GPR137B: variants seen among roughly 807,000 people sequenced by gnomAD.
GPR137B encodes the protein integral membrane protein GPR137B.
Under a neutral mutation model 42.5 loss-of-function variants are expected in GPR137B, and 42 were observed. The ratio of observed to expected loss-of-function variants is 0.99; its 90% confidence interval spans 0.77 to 1.28. The LOEUF (loss-of-function observed/expected upper bound fraction) is 1.28, where lower values mean the gene tolerates loss of function less well. Among genes scored for constraint, GPR137B ranks in the 50% most tolerant of loss-of-function variants. GPR137B has a pLI of 0.00. For synonymous variants in GPR137B, 218 were observed against 209.7 expected (o/e 1.04, Z -0.34); for missense variants, 487 against 493.9 (o/e 0.99, Z 0.13).
chr1:236,148,647 C>G (rs1296032506), intron 1 of GPR137B, among the ~76,000 whole-genome samples: 2 of 152,168 alleles, frequency 1.3e-5, no homozygotes, highest in Non-Finnish European at 2.9e-5. Flanking sequence ...TGTTCTGAAA[C>G]TCAGCTAGGG....
intron 5 of GPR137B, among the ~76,000 whole-genome samples, chr1:236,199,278 T>G (rs1312111435): frequency 6.6e-6 from 1 of 152,238 alleles, no homozygotes; most frequent in East Asian, 1.9e-4. Flanking sequence ...ATCTTTTTGA[T>G]ATGCTGTTGG....
rs548307344 is a variant in GPR137B, at chr1:236,164,494, G to A, written c.415-4212G>A. The stretch of plus-strand genomic sequence containing the variant: ...GGTCAGTGGGAGCCAGTGCAGACTG[G>A]CAGAAATGGGCAGCCGGATATGAGA... On this transcript the variant is annotated intron_variant, in intron 1 of 6. Coordinates refer to ENST00000366592, the MANE Select transcript of GPR137B (RefSeq NM_003272.4). 9.8e-5 allele frequency among the ~76,000 whole-genome samples: 15 copies of A among 152,332 alleles called. No individual in the cohort carries two copies. The South Asian group carries it at 2.9e-3, about 29-fold the overall frequency.
chr1:236,145,585 T>C (rs995838992), intron 1 of GPR137B, among the ~76,000 whole-genome samples: 2 of 152,252 alleles, frequency 1.3e-5, no homozygotes, highest in Admixed American at 6.5e-5. Context: ...TCTTGATCTC[T>C]TGACCTTGTG....
At chr1:236,173,165 C>T (rs1571983338) in intron 2 of GPR137B, among the ~76,000 whole-genome samples, 1 of 151,508 alleles carries the variant, frequency 6.6e-6, no homozygotes, top group South Asian at 2.1e-4. Context: ...GTGGTGCGCG[C>T]CTGTATTCCC....
chr1:236,166,722 C>CG (rs1203386507), intron 1 of GPR137B, among the ~76,000 whole-genome samples: 3 of 151,986 alleles, frequency 2.0e-5, no homozygotes, highest in Admixed American at 2.0e-4. Context: ...CAGTGGCTAA[C>CG]GCCTGTAATC....
chr1:236,153,321 C>A (rs530000361), intron 1 of GPR137B, among the ~76,000 whole-genome samples: 1 of 152,316 alleles, frequency 6.6e-6, no homozygotes, highest in East Asian at 1.9e-4. Flanking sequence ...CATCTGCTTT[C>A]TATCTCTGCA....
chr1:236,179,370 CT>C (rs1009371856), intron 3 of GPR137B, among the ~76,000 whole-genome samples: 1 of 152,162 alleles, frequency 6.6e-6, no homozygotes, highest in Non-Finnish European at 1.5e-5. Flanking sequence ...GCACAAATCA[CT>C]GATTTCCAGG....
chr1:236,170,168 A>T lies in GPR137B; in HGVS notation c.464+1413A>T, dbSNP rs562822521. ...GGTTCTGGCGTTTCTGCCCGGGAGA[A>T]CTCCATTGCCAACGGCAAACATTTC... On this transcript the variant is annotated intron_variant, in intron 2 of 6. Coordinates refer to ENST00000366592, the MANE Select transcript of GPR137B (RefSeq NM_003272.4). 3.3e-5 allele frequency among the ~76,000 whole-genome samples: 5 copies of T among 151,688 alleles called. No homozygotes were observed. The East Asian group carries it at 9.7e-4, about 29-fold the overall frequency.
rs144114626 is a variant in GPR137B at position 236,190,419 on chromosome 1, T to C, written c.966+6513T>C. On this transcript the variant is annotated intron_variant, in intron 5 of 6. Transcript: ENST00000366592. ...TGCCCATTAGTTGATGCAGCTTCTT[T>C]ATAGTGTTGACGGGCTTTACAATTT... Among the ~76,000 whole-genome samples, 493 of 152,270 alleles carry C rather than the reference T, an allele frequency of 3.2e-3. 11 individuals are homozygous for C. The East Asian group carries it at 0.066, about 20-fold the overall frequency.
At chr1:236,159,650 CG>C in intron 1 of GPR137B, among the ~76,000 whole-genome samples, 1 of 151,998 alleles carries the variant, frequency 6.6e-6, no homozygotes, top group South Asian at 2.1e-4. Flanking sequence ...AATAGGCAAG[CG>C]GGAGTTCAAA....
chr1:236,182,587 A>T (rs1398626366), intron 4 of GPR137B, among the ~76,000 whole-genome samples: 1 of 152,106 alleles, frequency 6.6e-6, no homozygotes, highest in Non-Finnish European at 1.5e-5. Flanking sequence ...ATAAAAAATT[A>T]AAATTAAAAA....
At chr1:236,189,446 T>G (rs1663127061) in intron 5 of GPR137B, among the ~76,000 whole-genome samples, 1 of 152,190 alleles carries the variant, frequency 6.6e-6, no homozygotes, top group African/African-American at 2.4e-5. Context: ...CTTTCTCTTG[T>G]GGGCATTTTG....
intron 5 of GPR137B, among the ~76,000 whole-genome samples, chr1:236,192,045 G>T (rs950904611): frequency 3.3e-5 from 5 of 152,202 alleles, no homozygotes; most frequent in Non-Finnish European, 7.4e-5. Flanking sequence ...AAATCTGGCA[G>T]TCTGGCCACA....
chr1:236,188,253 T>C (rs1028649863), intron 5 of GPR137B, among the ~76,000 whole-genome samples: 1 of 152,346 alleles, frequency 6.6e-6, no homozygotes, highest in East Asian at 1.9e-4. Context: ...AAATATATGA[T>C]CATGTCATCT....
intron 2 of GPR137B, among the ~76,000 whole-genome samples, chr1:236,172,836 C>T (rs1169663179): frequency 6.6e-6 from 1 of 151,478 alleles, no homozygotes; most frequent in Non-Finnish European, 1.5e-5. Flanking sequence ...AGGTGCATGT[C>T]ACCACATCCA....
chr1:236,169,885 C>A (rs1016152742), intron 2 of GPR137B, among the ~76,000 whole-genome samples: 5 of 151,848 alleles, frequency 3.3e-5, no homozygotes, highest in Non-Finnish European at 7.4e-5. Context: ...ACTAAAAATA[C>A]AAAAATTAGC....
intron 5 of GPR137B, among the ~76,000 whole-genome samples, chr1:236,188,060 G>T (rs542327614): frequency 6.6e-6 from 1 of 152,128 alleles, no homozygotes; most frequent in African/African-American, 2.4e-5. Context: ...CTTGTAAGTT[G>T]TATTCCTAGG....
At chr1:236,205,027 A>G in intron 5 of GPR137B, 99 bp from the exon 6 acceptor site, 2 of 948,646 alleles carry the variant, frequency 2.1e-6, no homozygotes, top group East Asian at 2.4e-5. Context: ...ATTCAAATGA[A>G]TAGAACATCT....
In GPR137B at chr1:236,178,438, C is replaced by T; in HGVS notation, c.489C>T (p.Leu163=). The T allele has an allele frequency of 1.9e-6, 3 of 1,613,786 alleles. No homozygotes were observed. Among genetic ancestry groups the T allele is most frequent in the Non-Finnish European group, 2.5e-6 (3 of 1,179,916 alleles). ...GGTTGCCCCTCTACCTGGCCTCCCT[C>T]TTCATCAGCCTTGTTTTCCTGTTGG... ...KYRLPLYLAS[L]FISLVFLLVN... Residue 163 remains leucine (L), a synonymous_variant, in exon 3 of 7, where the codon CTC becomes CTT. Coordinates refer to ENST00000366592, the MANE Select transcript of GPR137B (RefSeq NM_003272.4).
Sources: gnomAD v4.1 joint callset for allele counts (sites outside exome capture counted in the v4.1 genomes callset) on GRCh38, gnomAD v4.1.1 for gene constraint, MANE v1.5 for transcripts, NCBI Gene and HGNC (gene_info 2026-07-23, HGNC 2026-07-21) for gene names.